NRG3: variants seen among roughly 807,000 people sequenced by gnomAD.
NRG3 encodes the protein neuregulin 3.
NRG3 carries 31 observed loss-of-function variants against 66.9 expected under a neutral mutation model. The observed-to-expected ratio is 0.46, with a 90% CI of 0.35 to 0.63. NRG3 has a LOEUF of 0.63. NRG3 is among the 20% of genes least tolerant of loss of function. The pLI is 0.00. For synonymous variants in NRG3, 393 were observed against 359.4 expected, an observed-to-expected ratio of 1.09 and a Z score of -1.06; for missense variants, 910 against 878.9, an observed-to-expected ratio of 1.04 and a Z score of -0.45.
chr10:82,981,533 GA>G (rs1852898342), intron 8 of NRG3, among the ~76,000 whole-genome samples: 1 of 152,200 alleles, frequency 6.6e-6, no homozygotes. Context: ...CAGCCTGGAG[GA>G]GGGGGAAATG....
intron 2 of NRG3, among the ~76,000 whole-genome samples, chr10:82,677,035 T>C (rs1390334440): frequency 6.6e-6 from 1 of 150,950 alleles, no homozygotes; most frequent in Non-Finnish European, 1.5e-5. Context: ...TCTTTCTTTC[T>C]TTCTTTCTTT....
intron 1 of NRG3, among the ~76,000 whole-genome samples, chr10:82,251,176 A>T (rs1296872042): frequency 6.6e-6 from 1 of 152,084 alleles, no homozygotes; most frequent in Non-Finnish European, 1.5e-5. Flanking sequence ...TCCCCCTGGC[A>T]CTTAAAGCTT....
At chr10:82,895,636 A>G (rs1591860535) in intron 4 of NRG3, among the ~76,000 whole-genome samples, 1 of 151,960 alleles carries the variant, frequency 6.6e-6, no homozygotes, top group Non-Finnish European at 1.5e-5. Flanking sequence ...GACTGCAGGC[A>G]CCTGCCTCCA....
In NRG3 at chr10:81,909,235, TTTC is replaced by T. The variant is rs142458271; in HGVS notation, c.823+33075_823+33077del. 3.0e-3 allele frequency among the ~76,000 whole-genome samples: 450 copies of T among 152,356 alleles called. 1 individual carries two copies. The highest frequency in any genetic ancestry group is 4.4e-3 in the Non-Finnish European group (298 of 68,044). ...ATCTATGTTTCTATGTTCAAATTTCTTTCTTTTTTAAAACACACTGGCCATTTT... is the reference window on the plus strand; with the variant it reads ...ATCTATGTTTCTATGTTCAAATTTCTTTTTTTAAAACACACTGGCCATTTT... On this transcript the variant is annotated intron_variant, in intron 1 of 8. Coordinates refer to ENST00000372141, the MANE Select transcript of NRG3 (RefSeq NM_001010848.4).
In NRG3 at chr10:82,956,297, G is replaced by C. The variant is rs1200180107; in HGVS notation, c.1158-2652G>C. On this transcript the variant is annotated intron_variant, in intron 5 of 8. Coordinates refer to ENST00000372141, the MANE Select transcript of NRG3 (RefSeq NM_001010848.4). Reference sequence around the variant, plus strand: ...GGCTAATAGTATTCCCATGTGCAAGGCATGCATCTTTTCTTCCCCAGAGCA... The same window carrying C: ...GGCTAATAGTATTCCCATGTGCAAGCCATGCATCTTTTCTTCCCCAGAGCA... Among the ~76,000 whole-genome samples the C allele has an allele frequency of 2.0e-5, 3 of 152,058 alleles. No homozygotes were observed. In the South Asian group the frequency reaches 6.2e-4, roughly 32 times the overall value.
At chr10:82,023,853 A>G (rs529527932) in intron 1 of NRG3, among the ~76,000 whole-genome samples, 1 of 152,162 alleles carries the variant, frequency 6.6e-6, no homozygotes, top group Non-Finnish European at 1.5e-5. Flanking sequence ...TATCAGGGTA[A>G]TGATGGGCCC....
At chr10:82,446,405 A>G (rs985198712) in intron 2 of NRG3, among the ~76,000 whole-genome samples, 4 of 152,224 alleles carry the variant, frequency 2.6e-5, no homozygotes, top group Admixed American at 2.6e-4. Flanking sequence ...TCAATGATAG[A>G]CTGGATAAAG....
chr10:82,644,462 G>C (rs1324022360), intron 2 of NRG3, among the ~76,000 whole-genome samples: 2 of 152,076 alleles, frequency 1.3e-5, no homozygotes, highest in Admixed American at 6.5e-5. Flanking sequence ...ATGAGGTTTT[G>C]AGCTGTTAGA....
chr10:82,637,714 A>G (rs543694387), intron 2 of NRG3, among the ~76,000 whole-genome samples: 3 of 152,194 alleles, frequency 2.0e-5, no homozygotes, highest in Non-Finnish European at 2.9e-5. Flanking sequence ...TGAAGAAAAT[A>G]AATACAATAT....
intron 2 of NRG3, among the ~76,000 whole-genome samples, chr10:82,492,061 C>T (rs1173129289): frequency 6.6e-6 from 1 of 152,188 alleles, no homozygotes. Flanking sequence ...ATTTGATCCT[C>T]ATGGACAGTG....
At chr10:82,444,198 G>A (rs2090593792) in intron 2 of NRG3, among the ~76,000 whole-genome samples, 1 of 152,182 alleles carries the variant, frequency 6.6e-6, no homozygotes, top group African/African-American at 2.4e-5. Context: ...CGCCTTTTGG[G>A]TTCAAGTTAT....
chr10:82,228,531 A>ATT (rs143167509), intron 1 of NRG3, among the ~76,000 whole-genome samples: 4 of 148,664 alleles, frequency 2.7e-5, no homozygotes, highest in Non-Finnish European at 6.0e-5. Context: ...GACTTTTTTC[A>ATT]TTTTTTTTTT....
chr10:82,400,682 C>T (rs2087030693), intron 2 of NRG3, among the ~76,000 whole-genome samples: 1 of 151,950 alleles, frequency 6.6e-6, no homozygotes, highest in African/African-American at 2.4e-5. Context: ...ATTCTCCCTC[C>T]TCAGCCTCCT....
chr10:82,961,126 T>C (rs759671508), intron 6 of NRG3, among the ~76,000 whole-genome samples: 30 of 152,182 alleles, frequency 2.0e-4, no homozygotes, highest in Non-Finnish European at 4.0e-4. Context: ...CAATAAACAA[T>C]TTTAAAAGAA....
At chr10:82,387,093 C>T (rs529396369) in intron 2 of NRG3, among the ~76,000 whole-genome samples, 2 of 152,232 alleles carry the variant, frequency 1.3e-5, no homozygotes, top group African/African-American at 4.8e-5. Flanking sequence ...AGCCACCGCA[C>T]CCAGCCTTGA....
At chr10:82,510,942 G>T (rs1168345912) in intron 2 of NRG3, among the ~76,000 whole-genome samples, 1 of 152,142 alleles carries the variant, frequency 6.6e-6, no homozygotes, top group Non-Finnish European at 1.5e-5. Context: ...AGAGGCCCAG[G>T]ACACATAGAA....
rs530358680 is a variant in NRG3, at chr10:82,094,221, A to G, written c.823+218058A>G. On this transcript the variant is annotated intron_variant, in intron 1 of 8. Coordinates refer to ENST00000372141, the MANE Select transcript of NRG3 (RefSeq NM_001010848.4). ...TATATTATCTTTTTATGAGATTTGT[A>G]TGTTTGTGATGGCCTTATATTGAAT... Among the ~76,000 whole-genome samples, 10 of 152,304 alleles carry G rather than the reference A, an allele frequency of 6.6e-5. No homozygotes were observed. In the South Asian group the frequency reaches 1.5e-3, roughly 22 times the overall value.
intron 2 of NRG3, among the ~76,000 whole-genome samples, chr10:82,686,101 T>C (rs139207801): frequency 6.1e-4 from 93 of 152,238 alleles, no homozygotes; most frequent in African/African-American, 2.1e-3. Flanking sequence ...ATAGAAAATA[T>C]ATTAACTAGT....
intron 2 of NRG3, among the ~76,000 whole-genome samples, chr10:82,533,596 A>G (rs1196319160): frequency 6.6e-6 from 1 of 152,192 alleles, no homozygotes; most frequent in Non-Finnish European, 1.5e-5. Flanking sequence ...ACTTCAACAT[A>G]ATGAAGGCCA....
Sources: gnomAD v4.1 joint callset for allele counts (sites outside exome capture counted in the v4.1 genomes callset) on GRCh38, gnomAD v4.1.1 for gene constraint, MANE v1.5 for transcripts, NCBI Gene and HGNC (gene_info 2026-07-23, HGNC 2026-07-21) for gene names.